The following FRAS1 variants were observed in gnomAD, a reference collection of about 807,000 sequenced individuals.
FRAS1 encodes extracellular matrix organizing protein FRAS1.
Under a neutral mutation model 435.2 loss-of-function variants are expected in FRAS1, and 290 were observed. The observed-to-expected ratio is 0.67, with a 90% CI of 0.61 to 0.73. The LOEUF (loss-of-function observed/expected upper bound fraction) is 0.73, where lower values mean the gene tolerates loss of function less well. Among genes scored for constraint, FRAS1 ranks in the 30% least tolerant of loss-of-function variants. The probability of loss-of-function intolerance (pLI) is 0.00; values close to 1 mark genes in which losing one functional copy is unlikely to be tolerated. For synonymous variants in FRAS1, 1,800 were observed against 1,851.0 expected, an observed-to-expected ratio of 0.97 and a Z score of 0.71; for missense variants, 4,860 against 5,001.5, an observed-to-expected ratio of 0.97 and a Z score of 0.85.
chr4:78,539,300 A>C lies in FRAS1; in HGVS notation c.11305A>C (p.Asn3769His). Residue 3769 changes from asparagine to histidine, a missense_variant, in exon 73 of 74, where the codon AAT (asparagine) becomes CAT (histidine). Physicochemically the swap from Asn to His is moderately conservative, Grantham distance 68. Coordinates refer to ENST00000512123, the MANE Select transcript of FRAS1 (RefSeq NM_025074.7). ...CTTTTTTCTGAAATCCTAGGACCGC[A>C]ATCAGCCAGAGGTAACTGATAAGTA... ...LKHRFLLLDR[N>H]QPEVTDKYFH... is the part of the protein sequence containing the mutation. 6.2e-7 allele frequency: 1 copy of C among 1,604,092 alleles called. No individual in the cohort carries two copies. The highest frequency in any genetic ancestry group is 8.5e-7 in the Non-Finnish European group (1 of 1,177,250).
At chr4:78,275,461 C>T (rs1174516271) in intron 9 of FRAS1, among the ~76,000 whole-genome samples, 5 of 152,136 alleles carry the variant, frequency 3.3e-5, no homozygotes, top group East Asian at 3.8e-4. Flanking sequence ...ACCGGTTGTT[C>T]CTTTCCATGT....
At chr4:78,356,099 A>G (rs1730844064) in intron 20 of FRAS1, among the ~76,000 whole-genome samples, 1 of 152,026 alleles carries the variant, frequency 6.6e-6, no homozygotes, top group Non-Finnish European at 1.5e-5. Flanking sequence ...GGCTCATACC[A>G]CCTCTTAATT....
intron 14 of FRAS1, among the ~76,000 whole-genome samples, chr4:78,293,235 T>C (rs777419329): frequency 6.6e-6 from 1 of 152,200 alleles, no homozygotes; most frequent in Non-Finnish European, 1.5e-5. Context: ...TACAGGGGAA[T>C]ATGATAGGAA....
chr4:78,074,004 A>T (rs932270526), intron 2 of FRAS1, among the ~76,000 whole-genome samples: 3 of 152,194 alleles, frequency 2.0e-5, no homozygotes, highest in Admixed American at 6.5e-5. Context: ...AGGAAGAAGG[A>T]GAGGGACAAG....
At chr4:78,454,936 C>G (rs1008638471) in intron 47 of FRAS1, among the ~76,000 whole-genome samples, 4 of 152,242 alleles carry the variant, frequency 2.6e-5, no homozygotes, top group Non-Finnish European at 5.9e-5. Flanking sequence ...CCTGGAACAG[C>G]ACCCTCCAAA....
At chr4:78,188,266 AGTCT>A (rs1722361457) in intron 2 of FRAS1, among the ~76,000 whole-genome samples, 2 of 131,536 alleles carry the variant, frequency 1.5e-5, no homozygotes, top group Non-Finnish European at 3.2e-5. Context: ...CCAGTAGGAC[AGTCT>A]ATCTGTCTGT....
intron 18 of FRAS1, 35 bp downstream of exon 18, chr4:78,319,021 T>C (rs1362399951): frequency 6.2e-7 from 1 of 1,602,660 alleles, no homozygotes; most frequent in African/African-American, 1.3e-5. Context: ...AGGTAGCCTC[T>C]GGGCTTATCT....
chr4:78,445,481 T>C, intron 41 of FRAS1, 41 bp from the exon 42 acceptor site: 1 of 1,488,860 alleles, frequency 6.7e-7, no homozygotes, highest in South Asian at 1.5e-5. Context: ...AAGCAGGAAT[T>C]GATAGATCAA....
intron 22 of FRAS1, among the ~76,000 whole-genome samples, chr4:78,365,749 A>AG (rs1731242156): frequency 2.0e-5 from 2 of 102,458 alleles, no homozygotes; most frequent in Non-Finnish European, 3.8e-5. Context: ...AAAAAAAAAA[A>AG]ACAAAAAAAA....
At chr4:78,388,440 A>C (rs1286640521) in intron 29 of FRAS1, among the ~76,000 whole-genome samples, 1 of 151,998 alleles carries the variant, frequency 6.6e-6, no homozygotes, top group Non-Finnish European at 1.5e-5. Context: ...TAGCTCAACT[A>C]AAGTAGGATG....
intron 27 of FRAS1, among the ~76,000 whole-genome samples, chr4:78,383,572 A>T (rs1330836837): frequency 6.6e-6 from 1 of 152,060 alleles, no homozygotes; most frequent in Admixed American, 6.6e-5. Flanking sequence ...GAGTGAGGGG[A>T]GATGAACAGC....
intron 2 of FRAS1, among the ~76,000 whole-genome samples, chr4:78,123,044 C>T (rs962254411): frequency 6.6e-5 from 10 of 152,186 alleles, no homozygotes; most frequent in African/African-American, 2.4e-4. Flanking sequence ...GACATGAAGG[C>T]TTTGCCCATG....
At chr4:78,454,766 C>A (rs914298101) in intron 47 of FRAS1, among the ~76,000 whole-genome samples, 2 of 152,156 alleles carry the variant, frequency 1.3e-5, no homozygotes, top group African/African-American at 4.8e-5. Flanking sequence ...TCTTCCCTGA[C>A]CCCAGCTGTG....
rs115427335 is a variant in FRAS1, at chr4:78,221,334, C to T, written c.109-16176C>T. Among the ~76,000 whole-genome samples the T allele has an allele frequency of 3.1e-3, 466 of 152,160 alleles. 1 individual carries two copies. The highest frequency in any genetic ancestry group is 5.5e-3 in the Non-Finnish European group (375 of 68,004). ...ATCTTTACTTATTATAAATACTGTA[C>T]GTACACAAAGCTAACTTGATGGTAA... is the stretch of plus-strand genomic sequence containing the variant. On this transcript the variant is annotated intron_variant, in intron 2 of 73. Transcript: ENST00000512123.
chr4:78,478,050 T>C lies in FRAS1; in HGVS notation c.8087T>C (p.Ile2696Thr). ...AGCGCTGGTTTTCTGTTTGCACCTATTGAAAGAAAAGGTCTGTTGGTTCCA... is the reference window on the plus strand; with the variant it reads ...AGCGCTGGTTTTCTGTTTGCACCTACTGAAAGAAAAGGTCTGTTGGTTCCA... Reference protein sequence around the residue: ...NESAGFLFAPIERKGDASSIV... With the variant: ...NESAGFLFAPTERKGDASSIV... Residue 2696 changes from isoleucine to threonine, a missense_variant, in exon 55 of 74, where the codon ATT (isoleucine) becomes ACT (threonine). By Grantham distance (89) the Ile-to-Thr change is moderately conservative. Transcript: ENST00000512123. 6.4e-7 allele frequency: 1 copy of C among 1,565,018 alleles called. No individual in the cohort carries two copies. The highest frequency in any genetic ancestry group is 1.2e-5 in the South Asian group (1 of 85,076).
At chr4:78,112,110 T>C (rs1344064700) in intron 2 of FRAS1, among the ~76,000 whole-genome samples, 1 of 152,186 alleles carries the variant, frequency 6.6e-6, no homozygotes, top group Non-Finnish European at 1.5e-5. Context: ...TTCTGTATTT[T>C]TCATATCATG....
At chr4:78,144,604 G>A (rs1369173983) in intron 2 of FRAS1, among the ~76,000 whole-genome samples, 1 of 151,934 alleles carries the variant, frequency 6.6e-6, no homozygotes, top group Admixed American at 6.6e-5. Flanking sequence ...GCAAAAAGAA[G>A]AAAATAAGAT....
At position 78,077,197 on chromosome 4, in the gene FRAS1, A is replaced by AACACACACACACAC. The variant is rs10535451; in HGVS notation, c.108+11191_108+11204dup. ...AAGATTCCATCTCCAGACACACAGAAACACACACACACACACACACACATT... is the reference window on the plus strand; with the variant it reads ...AAGATTCCATCTCCAGACACACAGAAACACACACACACACACACACACACACACACACACACATT... On this transcript the variant is annotated intron_variant, in intron 2 of 73. Transcript: ENST00000512123. 3.6e-3 allele frequency among the ~76,000 whole-genome samples: 545 copies of AACACACACACACAC among 150,048 alleles called. 2 individuals are homozygous for AACACACACACACAC. The highest frequency in any genetic ancestry group is 0.013 in the African/African-American group (521 of 40,812).
At chr4:78,181,842 G>C in intron 2 of FRAS1, 6 of 1,612,084 alleles carry the variant, frequency 3.7e-6, no homozygotes, top group Non-Finnish European at 5.1e-6. Context: ...TTGCGCAGCT[G>C]TTTGCCTGCC....
Sources: allele counts gnomAD v4.1 joint callset (sites outside exome capture counted in the v4.1 genomes callset), GRCh38; gene constraint gnomAD v4.1.1; transcripts MANE v1.5; gene names NCBI Gene and HGNC (gene_info 2026-07-23, HGNC 2026-07-21).